The following CCSER1 variants were observed in gnomAD, a reference collection of about 807,000 sequenced individuals.
CCSER1 encodes the protein serine-rich coiled-coil domain-containing protein 1.
Under a neutral mutation model 82.0 loss-of-function variants are expected in CCSER1, and 41 were observed. That is an observed-to-expected ratio of 0.50 (90% CI 0.39 to 0.65). The LOEUF is 0.65. CCSER1 is among the 30% of genes least tolerant of loss of function. CCSER1 has a pLI of 0.00. For synonymous variants in CCSER1, 414 were observed against 383.9 expected (o/e 1.08, Z -0.92); for missense variants, 1,119 against 1,064.2 (o/e 1.05, Z -0.72).
chr4:91,254,610 T>C (rs761277648), intron 10 of CCSER1, among the ~76,000 whole-genome samples: 13 of 152,002 alleles, frequency 8.6e-5, no homozygotes, highest in Admixed American at 2.6e-4. Context: ...CATTATGGAG[T>C]TGGATGGGGG....
chr4:91,199,725 T>C (rs923975921), intron 10 of CCSER1, among the ~76,000 whole-genome samples: 6 of 152,040 alleles, frequency 3.9e-5, no homozygotes, highest in African/African-American at 1.4e-4. Context: ...TAAAAATAAA[T>C]GTATTTAATC....
chr4:90,690,568 T>C (rs1219156169), intron 6 of CCSER1, among the ~76,000 whole-genome samples: 1 of 152,130 alleles, frequency 6.6e-6, no homozygotes, highest in African/African-American at 2.4e-5. Flanking sequence ...TACAGTTTTA[T>C]AAGTTCCTTT....
intron 1 of CCSER1, among the ~76,000 whole-genome samples, chr4:90,197,645 G>A (rs1392177889): frequency 1.3e-5 from 2 of 152,036 alleles, no homozygotes; most frequent in African/African-American, 2.4e-5. Flanking sequence ...GGATGGAACC[G>A]GAGGTCATTA....
intron 10 of CCSER1, among the ~76,000 whole-genome samples, chr4:91,133,307 A>G (rs535870640): frequency 6.6e-6 from 1 of 151,784 alleles, no homozygotes; most frequent in Non-Finnish European, 1.5e-5. Flanking sequence ...CTGGCGAGGC[A>G]GGAACAGAAG....
At chr4:91,026,241 T>C (rs1740479902) in intron 9 of CCSER1, among the ~76,000 whole-genome samples, 1 of 152,134 alleles carries the variant, frequency 6.6e-6, no homozygotes, top group African/African-American at 2.4e-5. Context: ...TAATAAACTT[T>C]GCCATTGTTC....
intron 4 of CCSER1, among the ~76,000 whole-genome samples, chr4:90,414,665 C>T (rs972315028): frequency 6.6e-6 from 1 of 151,910 alleles, no homozygotes; most frequent in African/African-American, 2.4e-5. Flanking sequence ...ATGTTAGCAG[C>T]GAGGTTCGTT....
chr4:90,936,133 A>G (rs1244742559), intron 9 of CCSER1, among the ~76,000 whole-genome samples: 1 of 148,448 alleles, frequency 6.7e-6, no homozygotes, highest in Non-Finnish European at 1.5e-5. Context: ...ACAAAATAAA[A>G]TAACTTGGAA....
intron 10 of CCSER1, among the ~76,000 whole-genome samples, chr4:91,469,673 A>G (rs1248128836): frequency 6.6e-6 from 1 of 152,216 alleles, no homozygotes. Flanking sequence ...TTAACTAGAT[A>G]TGACTACCTT....
intron 9 of CCSER1, among the ~76,000 whole-genome samples, chr4:90,954,054 T>G (rs1733184040): frequency 1.6e-5 from 1 of 61,578 alleles, no homozygotes; most frequent in Admixed American, 1.6e-4. Context: ...AAATGTTTGT[T>G]GATTTTTACA....
chr4:91,571,412 T>G (rs1231262683), intron 10 of CCSER1, among the ~76,000 whole-genome samples: 1 of 152,174 alleles, frequency 6.6e-6, no homozygotes, highest in African/African-American at 2.4e-5. Context: ...AAGAAATATC[T>G]GAGACTGGGT....
At chr4:91,142,578 A>C (rs1168187850) in intron 10 of CCSER1, among the ~76,000 whole-genome samples, 1 of 152,154 alleles carries the variant, frequency 6.6e-6, no homozygotes, top group Non-Finnish European at 1.5e-5. Context: ...GTTTTCTTAC[A>C]GGATTTTCAT....
chr4:90,585,385 TA>T (rs1781888157), intron 5 of CCSER1, among the ~76,000 whole-genome samples: 1 of 152,174 alleles, frequency 6.6e-6, no homozygotes. Context: ...ACATGATAGT[TA>T]AATCTTGATT....
chr4:90,973,715 T>C (rs1170617219), intron 9 of CCSER1, among the ~76,000 whole-genome samples: 2 of 151,748 alleles, frequency 1.3e-5, no homozygotes, highest in Non-Finnish European at 2.9e-5. Context: ...ATTTCCATAT[T>C]CATTGCAGCA....
At chr4:90,377,500 A>C (rs953162484) in intron 3 of CCSER1, among the ~76,000 whole-genome samples, 3 of 152,170 alleles carry the variant, frequency 2.0e-5, no homozygotes, top group African/African-American at 7.2e-5. Flanking sequence ...CTAATGGAAA[A>C]CAGATTATGC....
rs781233318 is a variant in CCSER1 at position 91,010,438 on chromosome 4, C to G, written c.2173-75512C>G. Among the ~76,000 whole-genome samples the G allele has an allele frequency of 1.2e-4, 16 of 137,380 alleles. 5 individuals are homozygous for G. Among genetic ancestry groups the G allele is most frequent in the South Asian group, 4.6e-4 (2 of 4,382 alleles). 90.1% of individuals were successfully genotyped at this position (137,380 alleles called of 152,430 possible). On this transcript the variant is annotated intron_variant, in intron 9 of 10. Coordinates refer to ENST00000509176, the MANE Select transcript of CCSER1 (RefSeq NM_001145065.2). Reference sequence around the variant, plus strand: ...TTGGCAACTTTTGTGTTTCATGTATCTGGAAATCCATATCTCTTTGAAGAC... The same window carrying G: ...TTGGCAACTTTTGTGTTTCATGTATGTGGAAATCCATATCTCTTTGAAGAC...
intron 10 of CCSER1, among the ~76,000 whole-genome samples, chr4:91,398,278 AG>A: frequency 6.6e-6 from 1 of 152,104 alleles, no homozygotes; most frequent in South Asian, 2.1e-4. Context: ...AAAGCAATTA[AG>A]TAACATCATA....
At chr4:91,437,232 G>A (rs7659358) in intron 10 of CCSER1, among the ~76,000 whole-genome samples, 23,200 of 152,112 alleles carry the variant, frequency 0.15, 2,234 homozygotes, top group African/African-American at 0.26. Flanking sequence ...GAATACTAGG[G>A]TATTGACTAG....
At chr4:90,402,789 T>C (rs545924348) in intron 4 of CCSER1, among the ~76,000 whole-genome samples, 1 of 152,322 alleles carries the variant, frequency 6.6e-6, no homozygotes, top group South Asian at 2.1e-4. Flanking sequence ...AACTTTAGTC[T>C]CTCCTTTACG....
At position 91,490,916 on chromosome 4, in the gene CCSER1, AT is replaced by A. The variant is rs1758495658; in HGVS notation, c.2218-107655del. On this transcript the variant is annotated intron_variant, in intron 10 of 10. Transcript: ENST00000509176. ...TATATATATATATATATATATATAT[AT>A]ATATATATATAAAATATGCGTCTAC... 8.2e-5 allele frequency among the ~76,000 whole-genome samples: 7 copies of A among 85,692 alleles called. 1 individual carries two copies. Among genetic ancestry groups the A allele is most frequent in the African/African-American group, 1.3e-4 (3 of 23,476 alleles). The allele number at this position is 85,692 out of a possible 152,430, so 56.2% of individuals were successfully genotyped here.
Sources: allele counts gnomAD v4.1 joint callset (sites outside exome capture counted in the v4.1 genomes callset), GRCh38; gene constraint gnomAD v4.1.1; transcripts MANE v1.5; gene names NCBI Gene and HGNC (gene_info 2026-07-23, HGNC 2026-07-21).